Variants in FBXL20 observed in about 807,000 individuals in gnomAD.
The protein encoded by FBXL20 is F-box/LRR-repeat protein 20.
Under a neutral mutation model 64.0 loss-of-function variants are expected in FBXL20, and 11 were observed. The observed-to-expected ratio is 0.17, with a 90% CI of 0.11 to 0.28. The LOEUF is 0.28. FBXL20 is among the 10% of genes least tolerant of loss of function. FBXL20 has a pLI of 1.00. For missense variants in FBXL20, 303 were observed against 526.2 expected (o/e 0.58, Z 4.15); for synonymous variants, 184 against 189.0 (o/e 0.97, Z 0.22).
chr17:39,268,934 T>A (rs1567856947), intron 11 of FBXL20, 63 bp from the exon 12 acceptor site: 2 of 1,445,826 alleles, frequency 1.4e-6, no homozygotes, highest in Non-Finnish European at 1.9e-6. Flanking sequence ...GAGAAACTTT[T>A]AAGGACAGAA....
chr17:39,349,548 A>G (rs2047667274), intron 1 of FBXL20, among the ~76,000 whole-genome samples: 1 of 151,820 alleles, frequency 6.6e-6, no homozygotes, highest in South Asian at 2.1e-4. Context: ...TGTTTACACC[A>G]CTGTACTCCA....
rs547763325 is a variant in FBXL20, at chr17:39,383,070, G to A, written c.42+18291C>T. Among the ~76,000 whole-genome samples, 628 of 150,948 alleles carry A rather than the reference G, an allele frequency of 4.2e-3. 5 individuals carry two copies. Among genetic ancestry groups the A allele is most frequent in the Non-Finnish European group, 5.2e-3 (353 of 67,784 alleles). ...CCCAGCTACTCAGAAGGCTCAGGTC[G>A]GAGAATCTCTTGAACCCGGGAGGCA... is the stretch of plus-strand genomic sequence containing the variant. On this transcript the variant is annotated intron_variant, in intron 1 of 14. Transcript: ENST00000264658.
chr17:39,371,929 A>G (rs2047922163), intron 1 of FBXL20, among the ~76,000 whole-genome samples: 1 of 152,156 alleles, frequency 6.6e-6, no homozygotes, highest in South Asian at 2.1e-4. Context: ...AGACTTCTGG[A>G]AAGTGACCCT....
intron 1 of FBXL20, among the ~76,000 whole-genome samples, chr17:39,351,420 C>T (rs904023817): frequency 2.0e-5 from 3 of 151,612 alleles, no homozygotes; most frequent in Non-Finnish European, 2.9e-5. Flanking sequence ...GTTCCTGCTC[C>T]TGTTCATGCT....
At chr17:39,341,740 G>T (rs1395567457) in intron 2 of FBXL20, among the ~76,000 whole-genome samples, 1 of 152,128 alleles carries the variant, frequency 6.6e-6, no homozygotes, top group African/African-American at 2.4e-5. Flanking sequence ...TTGGTATCTT[G>T]TGCACCTGCC....
chr17:39,356,666 TTTG>T (rs1217216428), intron 1 of FBXL20, among the ~76,000 whole-genome samples: 4 of 151,886 alleles, frequency 2.6e-5, no homozygotes, highest in Non-Finnish European at 5.9e-5. Flanking sequence ...TACATTTGTG[TTTG>T]TTTTGAGACA....
intron 1 of FBXL20, among the ~76,000 whole-genome samples, chr17:39,372,614 T>C (rs1322004386): frequency 6.8e-6 from 1 of 148,078 alleles, no homozygotes; most frequent in Non-Finnish European, 1.5e-5. Flanking sequence ...GTCTGTTTGA[T>C]AATTTTTTTT....
At chr17:39,317,845 G>A (rs1415140507) in intron 2 of FBXL20, among the ~76,000 whole-genome samples, 1 of 151,742 alleles carries the variant, frequency 6.6e-6, no homozygotes, top group African/African-American at 2.4e-5. Context: ...GGGACTACAG[G>A]TGCACGCCAC....
intron 1 of FBXL20, among the ~76,000 whole-genome samples, chr17:39,400,640 G>C (rs892687316): frequency 2.0e-5 from 3 of 152,126 alleles, no homozygotes; most frequent in African/African-American, 4.8e-5. Context: ...ACGCTTTCAA[G>C]ACCGTCCACT....
intron 12 of FBXL20, among the ~76,000 whole-genome samples, chr17:39,267,253 C>T (rs2046799761): frequency 6.6e-6 from 1 of 151,692 alleles, no homozygotes; most frequent in African/African-American, 2.4e-5. Context: ...TCTGTCCTCC[C>T]CACCCCACAC....
chr17:39,352,406 T>A (rs991826174), intron 1 of FBXL20, among the ~76,000 whole-genome samples: 1 of 151,208 alleles, frequency 6.6e-6, no homozygotes, highest in African/African-American at 2.4e-5. Context: ...GAAATGGCCA[T>A]GCACAGTGGC....
intron 11 of FBXL20, among the ~76,000 whole-genome samples, chr17:39,269,269 C>T (rs149059238): frequency 0.016 from 2,462 of 152,146 alleles, 71 homozygotes; most frequent in African/African-American, 0.056. Flanking sequence ...TCTCGGCTCA[C>T]GGCAAGCTCT....
intron 6 of FBXL20, among the ~76,000 whole-genome samples, chr17:39,289,428 C>T (rs1362925141): frequency 6.6e-6 from 1 of 152,116 alleles, no homozygotes; most frequent in Non-Finnish European, 1.5e-5. Flanking sequence ...GAGGCTGAGG[C>T]AGGCAGGCTG....
intron 2 of FBXL20, among the ~76,000 whole-genome samples, chr17:39,306,831 GACTGTTTAAA>G (rs1567872670): frequency 2.0e-5 from 3 of 152,110 alleles, no homozygotes. Flanking sequence ...CCATGTAAGG[GACTGTTTAAA>G]ACTGATAATA....
At position 39,319,462 on chromosome 17, in the gene FBXL20, G is replaced by A. The variant is rs919748851; in HGVS notation, c.105-15823C>T. On this transcript the variant is annotated intron_variant, in intron 2 of 14. Coordinates refer to ENST00000264658, the MANE Select transcript of FBXL20 (RefSeq NM_032875.3). ...AACACTTTGGGAGGACGAGGTGGGC[G>A]GATCACAAGGTCAGGAGTTTGAGGC... is the stretch of plus-strand genomic sequence containing the variant. Among the ~76,000 whole-genome samples the A allele has an allele frequency of 7.9e-5, 12 of 151,680 alleles. 1 individual carries two copies. The highest frequency in any genetic ancestry group is 6.6e-5 in the Admixed American group (1 of 15,212).
chr17:39,256,645 C>A lies in FBXL20; in HGVS notation c.*4815G>T. ...GATACAACCAGGATAAAAGCCTACC[C>A]TTAAATCATACACATAAGGAGGAAT... On this transcript the variant is annotated 3_prime_UTR_variant, in exon 15 of 15. Transcript: ENST00000264658. 1 of 152,302 alleles carries A rather than the reference C, an allele frequency of 6.6e-6. No homozygotes were observed. 9.4% of individuals were successfully genotyped at this position (152,302 alleles called of 1,614,324 possible).
chr17:39,353,488 A>AT (rs747928128), intron 1 of FBXL20, among the ~76,000 whole-genome samples: 13 of 152,268 alleles, frequency 8.5e-5, no homozygotes, highest in East Asian at 5.8e-4. Context: ...TCATAGGTAT[A>AT]TAAGTATAGA....
chr17:39,365,905 T>C lies in FBXL20; in HGVS notation c.43-22664A>G, dbSNP rs2047854816. Among the ~76,000 whole-genome samples the C allele has an allele frequency of 3.9e-5, 6 of 152,268 alleles. No homozygotes were observed. The Middle Eastern group carries it at 0.021, about 521-fold the overall frequency. ...ATTATTTCATGTCCACCTCTCCTCC[T>C]CCTTCCTCCATTTCCCTTAGTTTCA... On this transcript the variant is annotated intron_variant, in intron 1 of 14. Transcript: ENST00000264658.
At chr17:39,296,213 G>T (rs1162960579) in intron 6 of FBXL20, among the ~76,000 whole-genome samples, 2 of 152,056 alleles carry the variant, frequency 1.3e-5, no homozygotes, top group South Asian at 2.1e-4. Flanking sequence ...GGGGGAAGAG[G>T]TTAGTATATT....
Sources: allele counts gnomAD v4.1 joint callset (sites outside exome capture counted in the v4.1 genomes callset), GRCh38; gene constraint gnomAD v4.1.1; transcripts MANE v1.5; gene names NCBI Gene and HGNC (gene_info 2026-07-23, HGNC 2026-07-21).